Variants in PAH observed in about 807,000 individuals in gnomAD.
PAH encodes the protein phenylalanine hydroxylase, also known as phenylalanine-4-hydroxylase.
PAH carries 64 observed loss-of-function variants against 62.0 expected under a neutral mutation model. That is an observed-to-expected ratio of 1.03 (90% CI 0.84 to 1.27). The LOEUF is 1.27. PAH is among the 50% of genes most tolerant of loss of function. PAH has a pLI of 0.00. For synonymous variants in PAH, 195 were observed against 196.2 expected (o/e 0.99, Z 0.05); for missense variants, 579 against 542.8 (o/e 1.07, Z -0.66).
chr12:102,873,822 T>C (rs889325840), intron 4 of PAH, among the ~76,000 whole-genome samples: 3 of 152,216 alleles, frequency 2.0e-5, no homozygotes, highest in African/African-American at 7.2e-5. Context: ...GGTTTCATTT[T>C]TGCAGGATTT....
In PAH at chr12:102,852,924, C is replaced by G. The variant is rs62508694; in HGVS notation, c.733G>C (p.Val245Leu). The G allele has an allele frequency of 3.5e-5, 57 of 1,614,128 alleles. No individual in the cohort carries two copies. Among genetic ancestry groups the G allele is most frequent in the Non-Finnish European group, 4.7e-5 (56 of 1,180,010 alleles). Residue 245 changes from valine to leucine, a missense_variant, in exon 7 of 13, where the codon GTG becomes CTG. By Grantham distance (32) the Val-to-Leu change is conservative. Coordinates refer to ENST00000553106, the MANE Select transcript of PAH (RefSeq NM_000277.3). Reference sequence around the variant, plus strand: ...TCCCGAGAGGAAAGCAGGCCAGCCACAGGTCGGAGGCGGAAACCAGTGCAA... The same window carrying G: ...TCCCGAGAGGAAAGCAGGCCAGCCAGAGGTCGGAGGCGGAAACCAGTGCAA... ...QTCTGFRLRP[V>L]AGLLSSRDFL...
intron 11 of PAH, among the ~76,000 whole-genome samples, chr12:102,841,585 G>A (rs1212975738): frequency 2.0e-5 from 3 of 152,176 alleles, no homozygotes; most frequent in Non-Finnish European, 2.9e-5. Context: ...GTTATACTAT[G>A]GTGTAAGTGC....
At chr12:102,956,446 T>C (rs1879915084) in intron 1 of PAH, among the ~76,000 whole-genome samples, 1 of 151,776 alleles carries the variant, frequency 6.6e-6, no homozygotes, top group South Asian at 2.1e-4. Context: ...CGCCTCCCCC[T>C]CCCTCTCGGC....
Position 102,846,886 on chromosome 12 carries a change from G to C in PAH, c.969+9C>G, listed in dbSNP as rs1448283369. 1 of 1,611,896 alleles carries C rather than the reference G, an allele frequency of 6.2e-7. No homozygotes were observed. Among genetic ancestry groups the C allele is most frequent in the Admixed American group, 1.7e-5 (1 of 60,004 alleles). On this transcript the variant is annotated intron_variant, in intron 9 of 12. Coordinates refer to ENST00000553106, the MANE Select transcript of PAH (RefSeq NM_000277.3). ...CTCCACCATCCACCCAGGGAGAGAAGGGACTTACTGTGGCGAGCTTTTCAA... is the reference window on the plus strand; with the variant it reads ...CTCCACCATCCACCCAGGGAGAGAACGGACTTACTGTGGCGAGCTTTTCAA...
At chr12:102,868,176 G>GTATATA (rs201396594) in intron 4 of PAH, among the ~76,000 whole-genome samples, 109 of 2,358 alleles carry the variant, frequency 0.046, 9 homozygotes, top group Non-Finnish European at 0.073. Flanking sequence ...ACATATATGT[G>GTATATA]TATATATATA....
chr12:102,843,645 C>T lies in PAH; in HGVS notation c.1199+1G>A, dbSNP rs62509015. On this transcript the variant is annotated splice_donor_variant, in intron 11 of 12. Coordinates refer to ENST00000553106, the MANE Select transcript of PAH (RefSeq NM_000277.3). LOFTEE classifies it high-confidence loss of function. ...GTGGCTCACCTTTGTCACCACCTCA[C>T]CTTACTTTCTCCTTGGCATCATTAA... 1 of 1,613,600 alleles carries T rather than the reference C, an allele frequency of 6.2e-7. No individual in the cohort carries two copies. The highest frequency in any genetic ancestry group is 8.5e-7 in the Non-Finnish European group (1 of 1,179,728).
chr12:102,841,345 C>T (rs540190736), intron 11 of PAH, among the ~76,000 whole-genome samples: 3 of 152,270 alleles, frequency 2.0e-5, no homozygotes, highest in Admixed American at 1.3e-4. Context: ...TCTGGTGAAC[C>T]TATAAGCTGC....
intron 7 of PAH, chr12:102,851,982 C>A (rs1470400350): frequency 7.5e-6 from 4 of 533,822 alleles, no homozygotes. Flanking sequence ...CAGGGTAGGG[C>A]ACAGCAGCCA....
chr12:102,866,491 A>G, intron 5 of PAH, 105 bp downstream of exon 5: 1 of 861,364 alleles, frequency 1.2e-6, no homozygotes, highest in Non-Finnish European at 2.0e-6. Context: ...AGAAGGCAGG[A>G]CTCTTCATGC....
intron 4 of PAH, among the ~76,000 whole-genome samples, chr12:102,871,818 A>C (rs1205286683): frequency 6.6e-6 from 1 of 151,118 alleles, no homozygotes; most frequent in Admixed American, 6.6e-5. Flanking sequence ...GCTACTCGGG[A>C]GGCTGAGGCA....
At chr12:102,950,330 G>A (rs892375076) in intron 1 of PAH, 2 of 152,324 alleles carry the variant, frequency 1.3e-5, no homozygotes, top group East Asian at 1.9e-4. Flanking sequence ...GCTGACCTGG[G>A]GCGCACAGTT....
rs1874733519 is a variant in PAH, at chr12:102,844,358, A to G, written c.1043T>C (p.Leu348Pro). The change falls in exon 10 of 13, where the codon CTG becomes CCG. Residue 348 changes from leucine to proline, a missense_variant. By Grantham distance (98) the Leu-to-Pro change is moderately conservative. Transcript: ENST00000553106. ...DSIKAYGAGL[L>P]SSFGELQYCL... The stretch of plus-strand genomic sequence containing the variant: ...TACCTGTAATTCACCAAAGGATGAC[A>G]GGAGCCCAGCACCATATGCCTTTAT... The G allele has an allele frequency of 1.2e-6, 2 of 1,613,192 alleles. No individual in the cohort carries two copies. Among genetic ancestry groups the G allele is most frequent in the South Asian group, 2.2e-5 (2 of 91,062 alleles).
upstream of PAH, among the ~76,000 whole-genome samples, chr12:102,921,391 T>C (rs889839509): frequency 6.6e-6 from 1 of 152,204 alleles, no homozygotes; most frequent in Non-Finnish European, 1.5e-5. Flanking sequence ...GTTGCAATAA[T>C]TTCTGTTAGC....
At chr12:102,930,745 T>G (rs118126905) in intron 1 of PAH, among the ~76,000 whole-genome samples, 1,971 of 152,330 alleles carry the variant, frequency 0.013, 27 homozygotes, top group Middle Eastern at 0.027. Context: ...ATTTCTCTCC[T>G]TGTCAGGAAT....
In PAH at chr12:102,839,236, A is replaced by G. The variant is rs368249319; in HGVS notation, c.1316-18T>C. On this transcript the variant is annotated intron_variant, in intron 12 of 12. Transcript: ENST00000553106. Reference sequence around the variant, plus strand: ...AATTTCACCTACAAAGAAAAACACCATCAAAATGGGCCACTTGTATAATAA... The same window carrying G: ...AATTTCACCTACAAAGAAAAACACCGTCAAAATGGGCCACTTGTATAATAA... 1 of 1,613,180 alleles carries G rather than the reference A, an allele frequency of 6.2e-7. No homozygotes were observed. Among genetic ancestry groups the G allele is most frequent in the South Asian group, 1.1e-5 (1 of 91,072 alleles).
chr12:102,906,629 C>T (rs78416579), intron 2 of PAH, among the ~76,000 whole-genome samples: 3,998 of 152,238 alleles, frequency 0.026, 190 homozygotes, highest in African/African-American at 0.091. Context: ...AATAAATATT[C>T]TGAGGGCACA....
rs531790439 is a variant in PAH, at chr12:102,933,543, C to T, written c.-95-16318G>A. On this transcript the variant is annotated intron_variant, in intron 1 of 3. Transcript: ENST00000546844. ...AGCTCTATTTTCAATTTTTGAGGAACCTCCAAACTGTTCTCCATAGTGGTT... is the reference window on the plus strand; with the variant it reads ...AGCTCTATTTTCAATTTTTGAGGAATCTCCAAACTGTTCTCCATAGTGGTT... 2.7e-4 allele frequency among the ~76,000 whole-genome samples: 41 copies of T among 152,138 alleles called. No individual in the cohort carries two copies. The Middle Eastern group carries it at 0.01, about 38-fold the overall frequency.
At chr12:102,873,257 G>A (rs1280167383) in intron 4 of PAH, among the ~76,000 whole-genome samples, 3 of 152,174 alleles carry the variant, frequency 2.0e-5, no homozygotes. Context: ...GCACGTGACT[G>A]AGCTCTACTC....
chr12:102,851,996 G>A (rs1592952384), intron 7 of PAH: 1 of 514,828 alleles, frequency 1.9e-6, no homozygotes, highest in Non-Finnish European at 3.5e-6. Flanking sequence ...GCAGCCAAGG[G>A]TCTTAAGAGT....
Sources: allele counts gnomAD v4.1 joint callset (sites outside exome capture counted in the v4.1 genomes callset), GRCh38; gene constraint gnomAD v4.1.1; transcripts MANE v1.5; gene names NCBI Gene and HGNC (gene_info 2026-07-23, HGNC 2026-07-21).